Variants in SORCS2 observed in about 807,000 individuals in gnomAD.
SORCS2 encodes VPS10 domain-containing receptor SorCS2.
SORCS2 carries 100 observed loss-of-function variants against 141.6 expected under a neutral mutation model. That is an observed-to-expected ratio of 0.71 (90% confidence interval 0.60 to 0.83). SORCS2 has a LOEUF of 0.83. Ranked by LOEUF, SORCS2 falls within the 40% of genes least tolerant of loss-of-function variation. The pLI, the probability that SORCS2 is intolerant of heterozygous loss-of-function variation, is 0.00. For synonymous variants in SORCS2, 789 were observed against 676.9 expected, an observed-to-expected ratio of 1.17 and a Z score of -2.57; for missense variants, 1,646 against 1,560.2, an observed-to-expected ratio of 1.05 and a Z score of -0.93.
chr4:7,591,383 G>T (rs1716903390), intron 3 of SORCS2, among the ~76,000 whole-genome samples: 1 of 152,150 alleles, frequency 6.6e-6, no homozygotes, highest in African/African-American at 2.4e-5. Context: ...AGCCAGTGTT[G>T]CCTCCCTCCA....
chr4:7,658,510 G>C (rs1014030911), intron 5 of SORCS2, among the ~76,000 whole-genome samples: 1 of 152,176 alleles, frequency 6.6e-6, no homozygotes, highest in Admixed American at 6.5e-5. Flanking sequence ...CCTTTCCAAG[G>C]AGCTTACAAA....
At chr4:7,245,972 G>A (rs999463181) in intron 1 of SORCS2, among the ~76,000 whole-genome samples, 2 of 152,202 alleles carry the variant, frequency 1.3e-5, no homozygotes, top group African/African-American at 2.4e-5. Context: ...TTGGTACCCA[G>A]CCTTGCCGTG....
chr4:7,199,175 C>T lies in SORCS2; in HGVS notation c.480+6049C>T, dbSNP rs1352724841. ...TCGTCATCGTGTTTCGGGTGTCAGC[C>T]CTGGGGTGCAGAGGAAGGGCCTGGA... On this transcript the variant is annotated intron_variant, in intron 1 of 26. Transcript: ENST00000507866. Among the ~76,000 whole-genome samples, 3 of 152,266 alleles carry T rather than the reference C, an allele frequency of 2.0e-5. No homozygotes were observed. The East Asian group carries it at 5.8e-4, about 29-fold the overall frequency.
intron 2 of SORCS2, chr4:7,432,361 A>G (rs1726927285): frequency 6.6e-6 from 1 of 151,906 alleles, no homozygotes; most frequent in Non-Finnish European, 1.5e-5. Flanking sequence ...AGACTCATGA[A>G]TGCCGGTCTC....
chr4:7,397,567 A>C (rs552336795), intron 2 of SORCS2, among the ~76,000 whole-genome samples: 2 of 151,898 alleles, frequency 1.3e-5, no homozygotes, highest in Non-Finnish European at 2.9e-5. Context: ...TAGAGGACAG[A>C]TGTTCCCTGC....
intron 9 of SORCS2, among the ~76,000 whole-genome samples, chr4:7,679,491 A>G (rs551142437): frequency 6.6e-6 from 1 of 152,100 alleles, no homozygotes; most frequent in Non-Finnish European, 1.5e-5. Context: ...ATATTATCCA[A>G]GGGACTCTAA....
intron 1 of SORCS2, among the ~76,000 whole-genome samples, chr4:7,287,504 CTT>C (rs1272904679): frequency 6.6e-6 from 1 of 152,232 alleles, no homozygotes; most frequent in Non-Finnish European, 1.5e-5. Context: ...AACCTTGTCT[CTT>C]TTGGCAGCAG....
intron 2 of SORCS2, among the ~76,000 whole-genome samples, chr4:7,443,996 T>C (rs1727839517): frequency 6.6e-6 from 1 of 152,220 alleles, no homozygotes; most frequent in African/African-American, 2.4e-5. Context: ...TGGGAGTGCC[T>C]CACCCACAGG....
At chr4:7,331,735 G>A (rs1227751484) in intron 1 of SORCS2, among the ~76,000 whole-genome samples, 1 of 152,210 alleles carries the variant, frequency 6.6e-6, no homozygotes, top group Non-Finnish European at 1.5e-5. Flanking sequence ...GCCCCCAGGT[G>A]GCTGACGAAG....
At chr4:7,541,680 A>G (rs976553058) in intron 3 of SORCS2, among the ~76,000 whole-genome samples, 3 of 152,138 alleles carry the variant, frequency 2.0e-5, no homozygotes, top group Non-Finnish European at 2.9e-5. Context: ...CTGAAAGACC[A>G]CCTTTTAAGC....
intron 8 of SORCS2, among the ~76,000 whole-genome samples, chr4:7,670,844 C>G (rs1479836294): frequency 1.3e-5 from 2 of 152,122 alleles, no homozygotes; most frequent in African/African-American, 4.8e-5. Context: ...AGGACCTTGT[C>G]TTCCAAACAC....
chr4:7,572,536 A>G (rs1392411647), intron 3 of SORCS2, among the ~76,000 whole-genome samples: 1 of 152,230 alleles, frequency 6.6e-6, no homozygotes, highest in African/African-American at 2.4e-5. Flanking sequence ...TCTTTGTGCT[A>G]CAGCAAGACT....
chr4:7,699,926 C>T (rs920165611), intron 12 of SORCS2, among the ~76,000 whole-genome samples: 3 of 152,266 alleles, frequency 2.0e-5, no homozygotes, highest in South Asian at 4.2e-4. Context: ...CCCTCTTGTC[C>T]GTCTCTCCCA....
At chr4:7,305,198 A>AT (rs1218955093) in intron 1 of SORCS2, among the ~76,000 whole-genome samples, 4 of 151,650 alleles carry the variant, frequency 2.6e-5, no homozygotes, top group Non-Finnish European at 5.9e-5. Flanking sequence ...CGCCCGGCTA[A>AT]TTTTTTGTAT....
chr4:7,447,916 CT>C, intron 2 of SORCS2, among the ~76,000 whole-genome samples: 1 of 152,104 alleles, frequency 6.6e-6, no homozygotes, highest in Non-Finnish European at 1.5e-5. Context: ...CCCTCCGCCC[CT>C]AGATGTGGCC....
chr4:7,387,418 C>T (rs1723443267), intron 1 of SORCS2, among the ~76,000 whole-genome samples: 48 of 83,122 alleles, frequency 5.8e-4, no homozygotes, highest in African/African-American at 1.1e-3. Context: ...GAAATACACA[C>T]ATGCACACAC....
At position 7,515,712 on chromosome 4, in the gene SORCS2, T is replaced by C. The variant is rs568829681; in HGVS notation, c.549-15818T>C. Among the ~76,000 whole-genome samples, 235 of 149,482 alleles carry C rather than the reference T, an allele frequency of 1.6e-3. 2 individuals carry two copies. The highest frequency in any genetic ancestry group is 5.5e-3 in the African/African-American group (223 of 40,536). Reference sequence around the variant, plus strand: ...GGACCAGTTTCTGCTGCATGCAAGGTGGGGGTGGGGCTCAGTCTGTTTCAT... The same window carrying C: ...GGACCAGTTTCTGCTGCATGCAAGGCGGGGGTGGGGCTCAGTCTGTTTCAT... On this transcript the variant is annotated intron_variant, in intron 2 of 26. Transcript: ENST00000507866.
At chr4:7,377,528 T>C (rs532214711) in intron 1 of SORCS2, among the ~76,000 whole-genome samples, 1 of 152,324 alleles carries the variant, frequency 6.6e-6, no homozygotes, top group South Asian at 2.1e-4. Flanking sequence ...TCTGCCAAAT[T>C]TGTTCCATCA....
chr4:7,335,694 A>G (rs1719938013), intron 1 of SORCS2, among the ~76,000 whole-genome samples: 1 of 152,226 alleles, frequency 6.6e-6, no homozygotes, highest in Non-Finnish European at 1.5e-5. Flanking sequence ...CACTGCTCTC[A>G]AGAATGGCAT....
Sources: gnomAD v4.1 joint callset for allele counts (sites outside exome capture counted in the v4.1 genomes callset) on GRCh38, gnomAD v4.1.1 for gene constraint, MANE v1.5 for transcripts, NCBI Gene and HGNC (gene_info 2026-07-23, HGNC 2026-07-21) for gene names.